Variants in DBX2 observed in about 807,000 individuals in gnomAD.
DBX2 encodes the protein developing brain homeobox 2, also known as homeobox protein DBX2.
DBX2 carries 16 observed loss-of-function variants against 17.7 expected under a neutral mutation model. That is an observed-to-expected ratio of 0.90 (90% CI 0.61 to 1.37). The LOEUF is 1.37. Among genes scored for constraint, DBX2 ranks in the 40% most tolerant of loss-of-function variants. The probability of loss-of-function intolerance (pLI) is 0.00; values close to 1 mark genes in which losing one functional copy is unlikely to be tolerated. For synonymous variants in DBX2, 255 were observed against 183.8 expected (o/e 1.39, Z -3.13); for missense variants, 538 against 433.8 (o/e 1.24, Z -2.13).
At position 45,039,301 on chromosome 12, in the gene DBX2, ATATATATATATATATATATATG is replaced by A. The variant is rs1322741270; in HGVS notation, c.404-3209_404-3188del. Among the ~76,000 whole-genome samples, 683 of 98,060 alleles carry A rather than the reference ATATATATATATATATATATATG, an allele frequency of 7.0e-3. 18 individuals are homozygous for A. The Admixed American group carries it at 0.079, about 11-fold the overall frequency. The allele number at this position is 98,060 out of a possible 152,430, so 64.3% of individuals were successfully genotyped here. A position where few individuals can be genotyped will look rare whatever the true frequency, so the allele number is the denominator to read the frequency against. On this transcript the variant is annotated intron_variant, in intron 1 of 3. Coordinates refer to ENST00000332700, the MANE Select transcript of DBX2 (RefSeq NM_001004329.3). The stretch of plus-strand genomic sequence containing the variant: ...GGTATATATATATATATATATATAT[ATATATATATATATATATATATG>A]TATCACACTTTTAACTTTAGTGAAC...
chr12:45,030,660 G>C (rs1946404566), intron 2 of DBX2, among the ~76,000 whole-genome samples: 2 of 152,190 alleles, frequency 1.3e-5, no homozygotes, highest in South Asian at 4.1e-4. Context: ...CTTCTAACAA[G>C]CCATGTTGTT....
chr12:45,047,408 C>T (rs935996691), intron 1 of DBX2, among the ~76,000 whole-genome samples: 2 of 151,990 alleles, frequency 1.3e-5, no homozygotes, highest in Non-Finnish European at 2.9e-5. Context: ...CCTAAATGTG[C>T]CCCTCCCTAG....
At position 45,016,095 on chromosome 12, in the gene DBX2, C is replaced by A. The variant is rs1443115252; in HGVS notation, c.*191G>T. Reference sequence around the variant, plus strand: ...GTCATACTTGCTGGGAGATTCTATTCCACTTACAAATTAAGCCTGAGTCTA... The same window carrying A: ...GTCATACTTGCTGGGAGATTCTATTACACTTACAAATTAAGCCTGAGTCTA... On this transcript the variant is annotated 3_prime_UTR_variant, in exon 4 of 4. Transcript: ENST00000332700. The A allele has an allele frequency of 5.9e-6, 3 of 506,752 alleles. No individual in the cohort carries two copies. Among genetic ancestry groups the A allele is most frequent in the East Asian group, 6.8e-5 (2 of 29,572 alleles). 31.4% of individuals were successfully genotyped at this position (506,752 alleles called of 1,614,324 possible).
At chr12:45,036,774 A>T (rs1311039386) in intron 1 of DBX2, among the ~76,000 whole-genome samples, 6 of 152,214 alleles carry the variant, frequency 3.9e-5, no homozygotes, top group African/African-American at 1.4e-4. Flanking sequence ...CAATTCCATA[A>T]CAAAAAGTGG....
intron 3 of DBX2, among the ~76,000 whole-genome samples, chr12:45,022,303 T>TTG (rs1202962448): frequency 1.5e-5 from 2 of 135,442 alleles, no homozygotes; most frequent in Non-Finnish European, 3.2e-5. Context: ...TAACTGTTTT[T>TTG]TTTTTTTTTT....
At chr12:45,029,899 T>TAAATAAATAAAC (rs905343736) in intron 2 of DBX2, among the ~76,000 whole-genome samples, 2 of 149,214 alleles carry the variant, frequency 1.3e-5, no homozygotes, top group African/African-American at 4.9e-5. Flanking sequence ...AATAAATAAA[T>TAAATAAATAAAC]AAATAAATAA....
chr12:45,025,307 G>T (rs1166384243), intron 2 of DBX2, among the ~76,000 whole-genome samples: 1 of 152,102 alleles, frequency 6.6e-6, no homozygotes, highest in Non-Finnish European at 1.5e-5. Context: ...GAAGAGGCCA[G>T]AAGCCAAGGA....
chr12:45,031,612 C>T (rs912735844), intron 2 of DBX2, among the ~76,000 whole-genome samples: 12 of 152,108 alleles, frequency 7.9e-5, no homozygotes, highest in Admixed American at 5.2e-4. Context: ...AGAGTCTTCG[C>T]TATTTTAAGT....
At position 45,023,905 on chromosome 12, in the gene DBX2, G is replaced by A. The variant is rs1467087867; in HGVS notation, c.500-11C>T. 6.5e-7 allele frequency: 1 copy of A among 1,533,874 alleles called. No individual in the cohort carries two copies. Among genetic ancestry groups the A allele is most frequent in the South Asian group, 1.3e-5 (1 of 75,546 alleles). On this transcript the variant is annotated splice_polypyrimidine_tract_variant and intron_variant, in intron 2 of 3. Transcript: ENST00000332700. ...GCATGCTCTCTTCTCCTAGAGTCGA[G>A]GGAAAAAGATACAAAAGCCCAGTTA...
At chr12:45,031,225 T>TGTGTGTGTGTGTGTGTGAGAGA (rs1377897653) in intron 2 of DBX2, among the ~76,000 whole-genome samples, 1 of 85,652 alleles carries the variant, frequency 1.2e-5, no homozygotes, top group African/African-American at 4.6e-5. Context: ...TGTGTGTGTG[T>TGTGTGTGTGTGTGTGTGAGAGA]GAGAGAGAGA....
At chr12:45,040,240 T>C (rs59211662) in intron 1 of DBX2, among the ~76,000 whole-genome samples, 13,639 of 152,138 alleles carry the variant, frequency 0.09, 1,323 homozygotes, top group East Asian at 0.33. Context: ...CTTTCTCCCG[T>C]GCTTCCTTCC....
At position 45,015,280 on chromosome 12, in the gene DBX2, T is replaced by C; in HGVS notation, c.*1006A>G. On this transcript the variant is annotated 3_prime_UTR_variant, in exon 4 of 4. Transcript: ENST00000332700. ...CTAAGTGGAAAATTGAGTCCCTAAC[T>C]AGAAGCGCAAACAGAAATCATCATT... 1 of 152,218 alleles carries C rather than the reference T, an allele frequency of 6.6e-6. No individual in the cohort carries two copies. Among genetic ancestry groups the C allele is most frequent in the East Asian group, 1.9e-4 (1 of 5,202 alleles). The allele number at this position is 152,218 out of a possible 1,614,324, so 9.4% of individuals were successfully genotyped here.
intron 1 of DBX2, among the ~76,000 whole-genome samples, chr12:45,049,643 G>A (rs1160375162): frequency 1.4e-5 from 2 of 146,146 alleles, no homozygotes; most frequent in Non-Finnish European, 3.0e-5. Flanking sequence ...AATGAGTTAA[G>A]ATCGTTTAAG....
intron 2 of DBX2, among the ~76,000 whole-genome samples, chr12:45,032,205 A>T (rs1371844544): frequency 6.6e-6 from 1 of 152,142 alleles, no homozygotes; most frequent in East Asian, 1.9e-4. Flanking sequence ...TATCTATGGA[A>T]CACCCCTCCC....
Position 45,023,884 on chromosome 12 carries a change from G to A in DBX2, c.510C>T (p.Ser170=), listed in dbSNP as rs200906109. 73 of 1,556,366 alleles carry A rather than the reference G, an allele frequency of 4.7e-5. No individual in the cohort carries two copies. In the East Asian group the frequency reaches 7.6e-4, roughly 16 times the overall value. Residue 170 remains serine, a synonymous_variant, in exon 3 of 4, where the codon AGC becomes AGT. Coordinates refer to ENST00000332700, the MANE Select transcript of DBX2 (RefSeq NM_001004329.3). ...ASSTAFPREE[S]MLPLLTQDSN... ...AGTCCTGTGTCAGGAGAGGCAGCAT[G>A]CTCTCTTCTCCTAGAGTCGAGGGAA... is the stretch of plus-strand genomic sequence containing the variant.
chr12:45,016,485 G>A lies in DBX2; in HGVS notation c.821C>T (p.Ser274Phe). The change falls in exon 4 of 4, where the codon TCT becomes TTT. Residue 274 changes from serine to phenylalanine, a missense_variant. Coordinates refer to ENST00000332700, the MANE Select transcript of DBX2 (RefSeq NM_001004329.3). ...PLSRSALGFP[S>F]PCPSIWDVPQ... ...GACGTCCCATATTGAAGGACATGGA[G>A]AAGGGAAACCCAGAGCAGACCGTGA... 2 of 1,613,972 alleles carry A rather than the reference G, an allele frequency of 1.2e-6. No homozygotes were observed. Among genetic ancestry groups the A allele is most frequent in the Non-Finnish European group, 1.7e-6 (2 of 1,179,962 alleles).
intron 1 of DBX2, among the ~76,000 whole-genome samples, chr12:45,041,221 TA>T: frequency 6.7e-6 from 1 of 149,300 alleles, no homozygotes; most frequent in East Asian, 1.9e-4. Context: ...AAATTATAAA[TA>T]AAATAATAAT....
chr12:45,028,755 A>G (rs1383880472), intron 2 of DBX2, among the ~76,000 whole-genome samples: 1 of 152,228 alleles, frequency 6.6e-6, no homozygotes, highest in African/African-American at 2.4e-5. Context: ...TCAGTGCCCT[A>G]TAACAAACAA....
chr12:45,029,011 A>G (rs1163391750), intron 2 of DBX2, among the ~76,000 whole-genome samples: 8 of 152,194 alleles, frequency 5.3e-5, no homozygotes, highest in Non-Finnish European at 1.0e-4. Context: ...CTCTGGATCC[A>G]ACCACAAACA....
Sources: gnomAD v4.1 joint callset for allele counts (sites outside exome capture counted in the v4.1 genomes callset) on GRCh38, gnomAD v4.1.1 for gene constraint, MANE v1.5 for transcripts, NCBI Gene and HGNC (gene_info 2026-07-23, HGNC 2026-07-21) for gene names.